The following SLC6A6 variants were observed in gnomAD, a reference collection of about 807,000 sequenced individuals.
The protein encoded by SLC6A6 is solute carrier family 6 member 6.
SLC6A6 carries 16 observed loss-of-function variants against 68.8 expected under a neutral mutation model. That is an observed-to-expected ratio of 0.23 (90% CI 0.16 to 0.35). The LOEUF is 0.35. SLC6A6 is among the 10% of genes least tolerant of loss of function. The pLI is 1.00. For synonymous variants in SLC6A6, 312 were observed against 315.4 expected, an observed-to-expected ratio of 0.99 and a Z score of 0.12; for missense variants, 474 against 802.8, an observed-to-expected ratio of 0.59 and a Z score of 4.95.
chr3:14,474,352 C>G (rs1231726460), intron 10 of SLC6A6, among the ~76,000 whole-genome samples: 1 of 152,174 alleles, frequency 6.6e-6, no homozygotes, highest in Non-Finnish European at 1.5e-5. Context: ...TGGCAGGCTT[C>G]TGTGTGTGCG....
intron 2 of SLC6A6, among the ~76,000 whole-genome samples, chr3:14,432,083 C>T (rs1009232314): frequency 6.6e-6 from 1 of 152,306 alleles, no homozygotes; most frequent in African/African-American, 2.4e-5. Flanking sequence ...GGCTCCTGCA[C>T]GTGCACCCTT....
chr3:14,468,728 G>GT lies in SLC6A6; in HGVS notation c.1096+517dup, dbSNP rs530009985. Among the ~76,000 whole-genome samples, 303 of 152,340 alleles carry GT rather than the reference G, an allele frequency of 2.0e-3. 13 individuals carry two copies. The South Asian group carries it at 0.058, about 29-fold the overall frequency. ...CCACCGTAGGCACTGGGTGCAGTGT[G>GT]TGGGGGGAGGGCGTAGATGAGGGGA... On this transcript the variant is annotated intron_variant, in intron 9 of 14. Transcript: ENST00000622186. This position sits in a 1 kb window ranked among gnomAD's most constrained non-coding sequence, Gnocchi z 4.5.
intron 14 of SLC6A6, among the ~76,000 whole-genome samples, chr3:14,482,712 G>A (rs1196944454): frequency 1.3e-5 from 2 of 152,144 alleles, no homozygotes; most frequent in East Asian, 3.9e-4. Context: ...GAGGAAGCTG[G>A]CAGGGCAGGA....
chr3:14,427,554 T>A (rs1277017714), intron 2 of SLC6A6, among the ~76,000 whole-genome samples: 1 of 152,152 alleles, frequency 6.6e-6, no homozygotes, highest in East Asian at 1.9e-4. Context: ...CAATAATGCC[T>A]AAAGGAGGGG....
chr3:14,417,240 G>C (rs1446054370), intron 2 of SLC6A6, among the ~76,000 whole-genome samples: 6 of 152,226 alleles, frequency 3.9e-5, no homozygotes, highest in Admixed American at 1.3e-4. Flanking sequence ...AAAGTTGCAA[G>C]AGTATTACAG....
chr3:14,441,093 T>C (rs1462824901), intron 2 of SLC6A6, among the ~76,000 whole-genome samples: 1 of 152,012 alleles, frequency 6.6e-6, no homozygotes, highest in East Asian at 1.9e-4. Flanking sequence ...TCTCGAATAT[T>C]AGTGTGGCAA....
chr3:14,410,105 G>C (rs1432978954), intron 1 of SLC6A6, among the ~76,000 whole-genome samples: 2 of 150,888 alleles, frequency 1.3e-5, no homozygotes, highest in Non-Finnish European at 2.9e-5. Context: ...AGAATCACTT[G>C]GGCAGAGGTT....
At chr3:14,464,565 C>T (rs1247026661) in intron 6 of SLC6A6, among the ~76,000 whole-genome samples, 1 of 152,168 alleles carries the variant, frequency 6.6e-6, no homozygotes, top group African/African-American at 2.4e-5. Context: ...CCTTTTTGCC[C>T]TTTTCCAAAG....
intron 2 of SLC6A6, among the ~76,000 whole-genome samples, chr3:14,429,071 A>G (rs1205160934): frequency 1.3e-5 from 2 of 152,114 alleles, no homozygotes; most frequent in Non-Finnish European, 2.9e-5. Context: ...TTGGTCTCCA[A>G]GGCTTCTCCC....
chr3:14,433,237 C>T lies in SLC6A6; in HGVS notation c.-11-10387C>T, dbSNP rs560452335. ...CCCAGAGAGAATTGCCCCAGGTAAG[C>T]GAGTGCCTGCTCAGAGCAGAGTGGG... On this transcript the variant is annotated intron_variant, in intron 2 of 14. Transcript: ENST00000622186. 2.3e-4 allele frequency among the ~76,000 whole-genome samples: 35 copies of T among 152,232 alleles called. 1 individual carries two copies. In the South Asian group the frequency reaches 5.4e-3, roughly 23 times the overall value.
In SLC6A6 at chr3:14,481,416, G is replaced by A. The variant is rs760444096; in HGVS notation, c.1552-255G>A. On this transcript the variant is annotated intron_variant, in intron 13 of 14. Transcript: ENST00000622186. The surrounding 1 kb of genome is among the most constrained non-coding windows in gnomAD (Gnocchi z 4.7). ...GGGTACAGCTTCTGCTGACACTCCCGGCTGCACCGAGGAGTTTGGGCTGCA... is the reference window on the plus strand; with the variant it reads ...GGGTACAGCTTCTGCTGACACTCCCAGCTGCACCGAGGAGTTTGGGCTGCA... Among the ~76,000 whole-genome samples, 1 of 152,280 alleles carries A rather than the reference G, an allele frequency of 6.6e-6. No homozygotes were observed. Among genetic ancestry groups the A allele is most frequent in the Non-Finnish European group, 1.5e-5 (1 of 68,014 alleles).
rs1701110282 is a variant in SLC6A6, at chr3:14,484,964, C to T, written c.1820C>T (p.Ala607Val). The change falls in exon 15 of 15, where the codon GCT (alanine) becomes GTT (valine). Residue 607 changes from alanine to valine, a missense_variant. Coordinates refer to ENST00000622186, the MANE Select transcript of SLC6A6 (RefSeq NM_003043.6). ...PYNSRTVMNG[A>V]LVKPTHIIVE... is the part of the protein sequence containing the mutation. ...AACTCTCGCACCGTCATGAACGGCG[C>T]TCTCGTGAAACCGACCCACATCATT... is the stretch of plus-strand genomic sequence containing the variant. 1.2e-6 allele frequency: 2 copies of T among 1,613,354 alleles called. No homozygotes were observed. Among genetic ancestry groups the T allele is most frequent in the Non-Finnish European group, 1.7e-6 (2 of 1,179,896 alleles).
intron 4 of SLC6A6, among the ~76,000 whole-genome samples, chr3:14,446,529 C>G (rs560122331): frequency 2.0e-4 from 30 of 152,262 alleles, no homozygotes; most frequent in South Asian, 8.3e-4. Flanking sequence ...CTGTCACAAA[C>G]CTGCACCTGC....
intron 6 of SLC6A6, among the ~76,000 whole-genome samples, chr3:14,463,182 C>T (rs111573518): frequency 3.3e-5 from 5 of 151,794 alleles, no homozygotes; most frequent in African/African-American, 9.7e-5. Flanking sequence ...CTGACACCAG[C>T]TGGCCTGGAT....
intron 1 of SLC6A6, among the ~76,000 whole-genome samples, chr3:14,413,376 G>T (rs929252655): frequency 1.4e-4 from 21 of 152,256 alleles, no homozygotes; most frequent in African/African-American, 5.1e-4. Flanking sequence ...GGCATTCTCC[G>T]TAATCGCCGT....
At chr3:14,409,754 A>G (rs142222084) in intron 1 of SLC6A6, among the ~76,000 whole-genome samples, 386 of 152,326 alleles carry the variant, frequency 2.5e-3, no homozygotes, top group African/African-American at 8.8e-3. Flanking sequence ...TCTGAGGGAG[A>G]GCAGCCCCAG....
In SLC6A6 at chr3:14,485,028, CCGG is replaced by C; in HGVS notation, c.*26_*28del. 6.3e-7 allele frequency: 1 copy of C among 1,589,942 alleles called. No homozygotes were observed. Among genetic ancestry groups the C allele is most frequent in the East Asian group, 2.3e-5 (1 of 44,090 alleles). On this transcript the variant is annotated 3_prime_UTR_variant, in exon 15 of 15. Coordinates refer to ENST00000622186, the MANE Select transcript of SLC6A6 (RefSeq NM_003043.6). ...TGTGAGCTCTCTCGGGTCGACGGGGCCGGCGGCTTTCCTGCTGTTTACTAACAT... is the reference window on the plus strand; with the variant it reads ...TGTGAGCTCTCTCGGGTCGACGGGGCCGGCTTTCCTGCTGTTTACTAACAT...
intron 2 of SLC6A6, among the ~76,000 whole-genome samples, chr3:14,426,007 T>TA (rs1699588790): frequency 6.6e-6 from 1 of 152,238 alleles, no homozygotes; most frequent in Non-Finnish European, 1.5e-5. Flanking sequence ...CCAGGGCTGT[T>TA]AGCTGCTGCT....
chr3:14,448,673 C>T (rs1700188032), intron 5 of SLC6A6, among the ~76,000 whole-genome samples: 1 of 149,366 alleles, frequency 6.7e-6, no homozygotes, highest in African/African-American at 2.6e-5. Flanking sequence ...GAAATAAATT[C>T]TGTCTCTTCA....
Sources: allele counts gnomAD v4.1 joint callset (sites outside exome capture counted in the v4.1 genomes callset), GRCh38; gene constraint gnomAD v4.1.1; non-coding constraint Gnocchi (gnomAD v3.1); transcripts MANE v1.5; gene names NCBI Gene and HGNC (gene_info 2026-07-23, HGNC 2026-07-21).